The following SPIN3 variants were observed in gnomAD, a reference collection of about 807,000 sequenced individuals.
SPIN3 encodes spindlin family member 3.
For synonymous variants in SPIN3, 74 were observed against 74.3 expected (o/e 1.00, Z 0.02); for missense variants, 176 against 196.4 (o/e 0.90, Z 0.62).
At position 56,991,213 on chromosome X, in the gene SPIN3, T is replaced by C. The variant is rs1924328742; in HGVS notation, c.*2958A>G. The C allele has an allele frequency of 8.9e-6, 1 of 112,377 alleles. No individual in the cohort carries two copies. The highest frequency in any genetic ancestry group is 3.2e-5 in the African/African-American group (1 of 30,985). The allele number at this position is 112,377 out of a possible 1,213,427, so 9.3% of individuals were successfully genotyped here. A position where few individuals can be genotyped will look rare whatever the true frequency, so the allele number is the denominator to read the frequency against. ...ATACCAGCTTTATAGCTGATAGAGCTGGATTGGAGAACATGGCTTGGACCT... is the reference window on the plus strand; with the variant it reads ...ATACCAGCTTTATAGCTGATAGAGCCGGATTGGAGAACATGGCTTGGACCT... On this transcript the variant is annotated 3_prime_UTR_variant, in exon 2 of 2. Transcript: ENST00000374919.
At chrX:56,987,534 T>C (rs1924246422), downstream of SPIN3, among the ~76,000 whole-genome samples, 1 of 111,764 alleles carries the variant, frequency 8.9e-6, no homozygotes, top group African/African-American at 3.3e-5. Context: ...ATTTAGGTTA[T>C]TTGTCTATAT....
Position 56,994,867 on chromosome X carries a change from C to A in SPIN3, c.81G>T (p.Met27Ile), listed in dbSNP as rs199864525. 4 of 1,210,121 alleles carry A rather than the reference C, an allele frequency of 3.3e-6. No individual in the cohort carries two copies. Among genetic ancestry groups the A allele is most frequent in the Non-Finnish European group, 4.5e-6 (4 of 895,255 alleles). ...TCTTGTGTGCAGCCTTCCTCTTTAT[C>A]ATGGTAACAGACACACTGCCGTGGC... ...GAGHGSVSVT[M>I]IKRKAAHKKH... Residue 27 changes from methionine to isoleucine, a missense_variant, in exon 2 of 2, where the codon ATG becomes ATT. Met to Ile is a conservative substitution (Grantham distance 10). Transcript: ENST00000374919.
intron 5 of SPIN3, chrX:56,977,307 C>T (rs1251139779): frequency 9.0e-6 from 1 of 111,404 alleles, no homozygotes; most frequent in South Asian, 3.8e-4. Flanking sequence ...TTCATAATAA[C>T]CACATTTTGG....
downstream of SPIN3, among the ~76,000 whole-genome samples, chrX:56,990,278 A>G (rs1160509939): frequency 2.7e-5 from 3 of 111,647 alleles, no homozygotes; most frequent in Admixed American, 2.9e-4. Context: ...GGAAAATCCT[A>G]AAGAATCATA....
intron 3 of SPIN3, chrX:56,980,056 G>T (rs1029915959): frequency 4.5e-5 from 5 of 111,307 alleles, no homozygotes; most frequent in Admixed American, 3.9e-4. Context: ...TAAATCTTGT[G>T]ACGTACTCAG....
chrX:56,994,000 TG>T lies in SPIN3; in HGVS notation c.*170del. 2.2e-6 allele frequency: 1 copy of T among 450,677 alleles called. No homozygotes were observed. Among genetic ancestry groups the T allele is most frequent in the Non-Finnish European group, 3.6e-6 (1 of 274,599 alleles). The allele number at this position is 450,677 out of a possible 1,213,427, so 37.1% of individuals were successfully genotyped here. A position where few individuals can be genotyped will look rare whatever the true frequency, so the allele number is the denominator to read the frequency against. Reference sequence around the variant, plus strand: ...GGAACCAGTGAAAAGGTTGGACAGATGGGCAAAAGGTTTCTTCCAAAAACGT... The same window carrying T: ...GGAACCAGTGAAAAGGTTGGACAGATGGCAAAAGGTTTCTTCCAAAAACGT... On this transcript the variant is annotated 3_prime_UTR_variant, in exon 2 of 2. Coordinates refer to ENST00000374919, the MANE Select transcript of SPIN3 (RefSeq NM_001010862.3).
In SPIN3 at chrX:56,994,146, T is replaced by C. The variant is rs1924423022; in HGVS notation, c.*25A>G. The C allele has an allele frequency of 8.6e-7, 1 of 1,168,385 alleles. No homozygotes were observed. Among genetic ancestry groups the C allele is most frequent in the African/African-American group, 1.8e-5 (1 of 56,574 alleles). Reference sequence around the variant, plus strand: ...GTGTCTACAGATTTAGAGTCTCATATATTTGGCAAATTTCAAGATGACCTC... The same window carrying C: ...GTGTCTACAGATTTAGAGTCTCATACATTTGGCAAATTTCAAGATGACCTC... On this transcript the variant is annotated 3_prime_UTR_variant, in exon 2 of 2. Transcript: ENST00000374919.
At chrX:56,983,210 C>T (rs747013160) in intron 3 of SPIN3, among the ~76,000 whole-genome samples, 1 of 111,897 alleles carries the variant, frequency 8.9e-6, no homozygotes, top group African/African-American at 3.2e-5. Flanking sequence ...ATTCCAAAAC[C>T]TGCCTTTCCT....
chrX:56,992,109 T>C lies in SPIN3; in HGVS notation c.*2062A>G, dbSNP rs1470517341. On this transcript the variant is annotated 3_prime_UTR_variant, in exon 2 of 2. Coordinates refer to ENST00000374919, the MANE Select transcript of SPIN3 (RefSeq NM_001010862.3). ...TCTGCCTTTCCCAATTTCTCGTTTT[T>C]CTCATTTCAGCCATATAGATCTCAC... 3 of 295,980 alleles carry C rather than the reference T, an allele frequency of 1.0e-5. No homozygotes were observed. Among genetic ancestry groups the C allele is most frequent in the Non-Finnish European group, 1.8e-5 (3 of 170,145 alleles). The allele number at this position is 295,980 out of a possible 1,213,427, so 24.4% of individuals were successfully genotyped here. A position where few individuals can be genotyped will look rare whatever the true frequency, so the allele number is the denominator to read the frequency against.
At position 56,994,811 on chromosome X, in the gene SPIN3, C is replaced by T. The variant is rs369043306; in HGVS notation, c.137G>A (p.Arg46Gln). The T allele has an allele frequency of 1.2e-4, 142 of 1,209,895 alleles. 1 individual carries two copies. The East Asian group carries it at 2.2e-3, about 18-fold the overall frequency. ...AATTCTGCAGCCCACGATGTTCCCC[C>T]GAGGCTGGGAGGTGGGTCGGCTCCT... Reference protein sequence around the residue: ...KHRSRPTSQPRGNIVGCRIQH... With the variant: ...KHRSRPTSQPQGNIVGCRIQH... The change falls in exon 2 of 2, where the codon CGG becomes CAG. Residue 46 changes from arginine (R) to glutamine (Q), a missense_variant. By Grantham distance (43) the Arg-to-Gln change is conservative. Coordinates refer to ENST00000374919, the MANE Select transcript of SPIN3 (RefSeq NM_001010862.3).
exon 5 of SPIN3, chrX:56,978,349 T>G (rs1443035237): frequency 8.9e-6 from 1 of 111,761 alleles, no homozygotes; most frequent in African/African-American, 3.3e-5. Flanking sequence ...GTGAAAAATT[T>G]GGCCTTGAAC....
chrX:56,979,566 C>T (rs962357733), intron 3 of SPIN3: 1 of 112,026 alleles, frequency 8.9e-6, no homozygotes, highest in South Asian at 3.7e-4. Flanking sequence ...CAAAATATAA[C>T]TGAATATGAA....
In SPIN3 at chrX:56,995,214, A is replaced by C; in HGVS notation, c.-3+2T>G. The C allele has an allele frequency of 3.3e-6, 1 of 301,517 alleles. No homozygotes were observed. The highest frequency in any genetic ancestry group is 5.8e-6 in the Non-Finnish European group (1 of 173,705). 24.8% of individuals were successfully genotyped at this position (301,517 alleles called of 1,213,427 possible). A position where few individuals can be genotyped will look rare whatever the true frequency, so the allele number is the denominator to read the frequency against. On this transcript the variant is annotated splice_donor_variant, in intron 1 of 1. Transcript: ENST00000374919. LOFTEE classifies it low-confidence loss of function (5UTR_SPLICE). ...TTCCCCTCGCCCTGCTTCCAACACTACCCGGCCAGGAGGCGCAGATTCCCC... is the reference window on the plus strand; with the variant it reads ...TTCCCCTCGCCCTGCTTCCAACACTCCCCGGCCAGGAGGCGCAGATTCCCC...
rs1314637318 is a variant in SPIN3, at chrX:56,994,674, A to G, written c.274T>C (p.Cys92Arg). Reference protein sequence around the residue: ...LYLIKYDGFDCVYGLELHRDE... With the variant: ...LYLIKYDGFDRVYGLELHRDE... ...CTGTGAAGTTCCAATCCATAAACACAGTCAAATCCATCATATTTGATAAGA... is the reference window on the plus strand; with the variant it reads ...CTGTGAAGTTCCAATCCATAAACACGGTCAAATCCATCATATTTGATAAGA... Residue 92 changes from cysteine (C) to arginine (R), a missense_variant, in exon 2 of 2, where the codon TGT becomes CGT. Physicochemically the swap from Cys to Arg is radical, Grantham distance 180. Coordinates refer to ENST00000374919, the MANE Select transcript of SPIN3 (RefSeq NM_001010862.3). 1 of 1,211,987 alleles carries G rather than the reference A, an allele frequency of 8.3e-7. No homozygotes were observed. The highest frequency in any genetic ancestry group is 1.8e-5 in the South Asian group (1 of 56,982).
chrX:56,980,967 CTT>C (rs375458963), intron 3 of SPIN3, among the ~76,000 whole-genome samples: 3 of 99,445 alleles, frequency 3.0e-5, no homozygotes, highest in African/African-American at 3.6e-5. Context: ...TAGTTAAAAT[CTT>C]TTTTTTTTTT....
chrX:56,994,823 G>C lies in SPIN3; in HGVS notation c.125C>G (p.Thr42Ser), dbSNP rs780110899. The C allele has an allele frequency of 2.5e-6, 3 of 1,209,791 alleles. No homozygotes were observed. Among genetic ancestry groups the C allele is most frequent in the Admixed American group, 4.4e-5 (2 of 45,800 alleles). Residue 42 changes from threonine (T) to serine (S), a missense_variant, in exon 2 of 2, where the codon ACC becomes AGC. Physicochemically the swap from Thr to Ser is moderately conservative, Grantham distance 58. Coordinates refer to ENST00000374919, the MANE Select transcript of SPIN3 (RefSeq NM_001010862.3). ...AAHKKHRSRP[T>S]SQPRGNIVGC... ...CACGATGTTCCCCCGAGGCTGGGAG[G>C]TGGGTCGGCTCCTATGCTTCTTGTG...
At chrX:56,976,482 T>C (rs1924009032) in exon 6 of SPIN3, 1 of 111,798 alleles carries the variant, frequency 8.9e-6, no homozygotes, top group African/African-American at 3.2e-5. Flanking sequence ...GCAATTTCTC[T>C]GAGGAAATTA....
rs1170549191 is a variant in SPIN3 at position 56,995,458 on chromosome X, C to G, written c.-245G>C. On this transcript the variant is annotated 5_prime_UTR_variant, in exon 1 of 2. Coordinates refer to ENST00000374919, the MANE Select transcript of SPIN3 (RefSeq NM_001010862.3). ...TGCTCTTGGCTCCTGCGTCCTCCGC[C>G]TTCCTGGTGGCGGCGGCGGTGGCGG... The G allele has an allele frequency of 1.7e-5, 2 of 114,747 alleles. No homozygotes were observed. The highest frequency in any genetic ancestry group is 5.5e-4 in the East Asian group (2 of 3,618). 9.5% of individuals were successfully genotyped at this position (114,747 alleles called of 1,213,427 possible).
At chrX:56,987,959 T>C (rs147388471), downstream of SPIN3, among the ~76,000 whole-genome samples, 1,346 of 111,969 alleles carry the variant, frequency 0.012, 11 homozygotes, top group African/African-American at 0.042. Flanking sequence ...TGCTGCACTA[T>C]GTTACATGCT....
Sources: allele counts gnomAD v4.1 joint callset (sites outside exome capture counted in the v4.1 genomes callset), GRCh38; gene constraint gnomAD v4.1.1; transcripts MANE v1.5; gene names NCBI Gene and HGNC (gene_info 2026-07-23, HGNC 2026-07-21).